Variants in ZNF821 observed in about 807,000 individuals in gnomAD.
The protein encoded by ZNF821 is zinc finger protein 821.
ZNF821 carries 16 observed loss-of-function variants against 44.3 expected under a neutral mutation model. That is an observed-to-expected ratio of 0.36 (90% CI 0.24 to 0.55). ZNF821 has a LOEUF of 0.55. ZNF821 is among the 20% of genes least tolerant of loss of function. The pLI, the probability that ZNF821 is intolerant of heterozygous loss-of-function variation, is 0.86. For synonymous variants in ZNF821, 204 were observed against 197.6 expected (o/e 1.03, Z -0.27); for missense variants, 436 against 547.6 (o/e 0.80, Z 2.03).
chr16:71,864,102 C>G (rs1352320238), intron 6 of ZNF821, 36 bp downstream of exon 6: 1 of 1,578,910 alleles, frequency 6.3e-7, no homozygotes, highest in Non-Finnish European at 8.7e-7. Flanking sequence ...GCTGCCCACA[C>G]TTGTGTTCCA....
Position 71,865,028 on chromosome 16 carries a change from C to G in ZNF821, c.187G>C (p.Glu63Gln), listed in dbSNP as rs1441830221. 1.9e-6 allele frequency: 3 copies of G among 1,614,106 alleles called. No homozygotes were observed. The highest frequency in any genetic ancestry group is 2.5e-6 in the Non-Finnish European group (3 of 1,180,044). ...SSSSDSEGDEEETTQDEVSSH... is the reference protein window; with the variant it reads ...SSSSDSEGDEQETTQDEVSSH... ...GAGACTTCATCTTGTGTCGTCTCCT[C>G]TTCATCACCCTCACTGTCACCTGGA... The change falls in exon 5 of 8, where the codon GAG becomes CAG. Residue 63 changes from glutamate to glutamine, a missense_variant. Coordinates refer to ENST00000425432, the MANE Select transcript of ZNF821 (RefSeq NM_001201552.2).
Position 71,860,757 on chromosome 16 carries a change from G to T in ZNF821, c.585-85C>A. On this transcript the variant is annotated intron_variant, in intron 7 of 7. Coordinates refer to ENST00000425432, the MANE Select transcript of ZNF821 (RefSeq NM_001201552.2). The surrounding 1 kb of genome is among the most constrained non-coding windows in gnomAD (Gnocchi z 7.3). Reference sequence around the variant, plus strand: ...CCCTGCCTTATTCTTTTCCTATGAGGCCAGTGGCTCCACGCTCACCACAAG... The same window carrying T: ...CCCTGCCTTATTCTTTTCCTATGAGTCCAGTGGCTCCACGCTCACCACAAG... 1 of 1,406,840 alleles carries T rather than the reference G, an allele frequency of 7.1e-7. No homozygotes were observed. Among genetic ancestry groups the T allele is most frequent in the Non-Finnish European group, 9.6e-7 (1 of 1,045,064 alleles). The allele number at this position is 1,406,840 out of a possible 1,614,324, so 87.1% of individuals were successfully genotyped here. A position where few individuals can be genotyped will look rare whatever the true frequency, so the allele number is the denominator to read the frequency against.
At chr16:71,877,997 C>A (rs2036016030) in intron 3 of ZNF821, among the ~76,000 whole-genome samples, 1 of 147,034 alleles carries the variant, frequency 6.8e-6, no homozygotes, top group African/African-American at 2.5e-5. Context: ...TATATATATA[C>A]ACACATATAT....
In ZNF821 at chr16:71,860,646, A is replaced by G. The variant is rs1306711910; in HGVS notation, c.611T>C (p.Met204Thr). The G allele has an allele frequency of 6.2e-7, 1 of 1,613,634 alleles. No homozygotes were observed. Residue 204 changes from methionine (M) to threonine (T), a missense_variant, in exon 8 of 8, where the codon ATG (methionine) becomes ACG (threonine). Physicochemically the swap from Met to Thr is moderately conservative, Grantham distance 81. Around this residue, in one of 5 missense-constraint regions of ZNF821, gnomAD observed 238 missense variants for 281.4 expected, o/e 0.85. Transcript: ENST00000425432. This position sits in a 1 kb window ranked among gnomAD's most constrained non-coding sequence, Gnocchi z 7.3. ...ATTGTGGACTGTGGGTAGGGATTCC[A>G]TATTTAGTACTTCAGGAAGTTTCTC... ...NSEKLPEVLN[M>T]ESLPTVHNEG...
In ZNF821 at chr16:71,860,826, C is replaced by T; in HGVS notation, c.585-154G>A. On this transcript the variant is annotated intron_variant, in intron 7 of 7. Transcript: ENST00000425432. This position sits in a 1 kb window ranked among gnomAD's most constrained non-coding sequence, Gnocchi z 7.3. The stretch of plus-strand genomic sequence containing the variant: ...GGTGGACCTCTTCTGCTGCTCCATC[C>T]CTTCTCTTCGCGTGAGAGTTGTCTA... The T allele has an allele frequency of 1.4e-6, 1 of 715,424 alleles. No individual in the cohort carries two copies. Among genetic ancestry groups the T allele is most frequent in the Non-Finnish European group, 2.2e-6 (1 of 446,416 alleles). The allele number at this position is 715,424 out of a possible 1,614,324, so 44.3% of individuals were successfully genotyped here.
chr16:71,868,541 C>A (rs74029709), intron 3 of ZNF821, among the ~76,000 whole-genome samples: 120 of 152,320 alleles, frequency 7.9e-4, no homozygotes, highest in African/African-American at 2.6e-3. Context: ...ATCTTTCATC[C>A]ACTCTTCTTC....
chr16:71,879,936 C>T lies in ZNF821; in HGVS notation c.11G>A (p.Arg4Gln). 3 of 1,613,460 alleles carry T rather than the reference C, an allele frequency of 1.9e-6. No homozygotes were observed. Among genetic ancestry groups the T allele is most frequent in the Non-Finnish European group, 2.5e-6 (3 of 1,179,728 alleles). MSRRKQTNPNKVHW... is the reference protein window; with the variant it reads MSRQKQTNPNKVHW... ...AACTTTATTTGGATTTGTCTGTTTC[C>T]GACGGGACATGTTTCCCTGATGCAA... Residue 4 changes from arginine (R) to glutamine (Q), a missense_variant, in exon 3 of 8, where the codon CGG becomes CAG. Physicochemically the swap from Arg to Gln is conservative, Grantham distance 43. Transcript: ENST00000425432.
At position 71,859,889 on chromosome 16, in the gene ZNF821, A is replaced by C. The variant is rs896439294; in HGVS notation, c.*129T>G. ...GCAAGGGCTGCTCAGGTCCACCTGC[A>C]ATAAACCCAGGCCTGCCTCTGGCAG... On this transcript the variant is annotated 3_prime_UTR_variant, in exon 8 of 8. Transcript: ENST00000425432. 1.8e-6 allele frequency: 2 copies of C among 1,106,054 alleles called. No individual in the cohort carries two copies. The highest frequency in any genetic ancestry group is 2.5e-6 in the Non-Finnish European group (2 of 797,826). 68.5% of individuals were successfully genotyped at this position (1,106,054 alleles called of 1,614,324 possible). A position where few individuals can be genotyped will look rare whatever the true frequency, so the allele number is the denominator to read the frequency against.
chr16:71,866,204 A>T (rs1255045218), intron 4 of ZNF821, among the ~76,000 whole-genome samples: 1 of 152,142 alleles, frequency 6.6e-6, no homozygotes, highest in Non-Finnish European at 1.5e-5. Context: ...CCTAGCTAAC[A>T]GTGTGCCTGT....
chr16:71,875,271 C>T (rs1268032677), intron 3 of ZNF821, among the ~76,000 whole-genome samples: 2 of 151,964 alleles, frequency 1.3e-5, no homozygotes, highest in African/African-American at 2.4e-5. Context: ...CCTGTTTTTC[C>T]ATCTGTTTTT....
At chr16:71,890,388 A>G (rs1220056484) in intron 1 of ZNF821, among the ~76,000 whole-genome samples, 1 of 95,036 alleles carries the variant, frequency 1.1e-5, no homozygotes, top group African/African-American at 3.3e-5. Context: ...GAAGTCAGCA[A>G]ACTTTTTTTT....
At chr16:71,880,595 C>A (rs2036321630) in intron 2 of ZNF821, 3 of 152,200 alleles carry the variant, frequency 2.0e-5, no homozygotes, top group African/African-American at 7.2e-5. Flanking sequence ...TCTGGTGATA[C>A]AGGCGCAATG....
Position 71,859,841 on chromosome 16 carries a change from ACCCCATCAT to A in ZNF821, c.*168_*176del. ...GCTGCCTTGAGCCAGGTCCCTCCTG[ACCCCATCAT>A]CCTGTTCCCATATGCAAGGGCTGCT... On this transcript the variant is annotated 3_prime_UTR_variant, in exon 8 of 8. Coordinates refer to ENST00000425432, the MANE Select transcript of ZNF821 (RefSeq NM_001201552.2). 1 of 717,594 alleles carries A rather than the reference ACCCCATCAT, an allele frequency of 1.4e-6. No homozygotes were observed. Among genetic ancestry groups the A allele is most frequent in the East Asian group, 2.7e-5 (1 of 36,638 alleles). The allele number at this position is 717,594 out of a possible 1,614,324, so 44.5% of individuals were successfully genotyped here. A position where few individuals can be genotyped will look rare whatever the true frequency, so the allele number is the denominator to read the frequency against.
upstream of ZNF821, chr16:71,884,344 C>G (rs1313514283): frequency 1.3e-5 from 2 of 152,146 alleles, no homozygotes; most frequent in African/African-American, 4.8e-5. Flanking sequence ...TCCCGGGCGC[C>G]CGAGAGGGGC....
chr16:71,892,907 T>C (rs959165658), intron 1 of ZNF821, among the ~76,000 whole-genome samples: 1 of 151,146 alleles, frequency 6.6e-6, no homozygotes, highest in African/African-American at 2.4e-5. Flanking sequence ...TTTTTTATAT[T>C]TTTAGTAGAC....
chr16:71,864,610 G>A, intron 5 of ZNF821: 1 of 450,548 alleles, frequency 2.2e-6, no homozygotes, highest in South Asian at 3.1e-5. Context: ...AGTCCACCTT[G>A]GGAAGTCAGC....
At chr16:71,887,190 T>A (rs1293470810), upstream of ZNF821, among the ~76,000 whole-genome samples, 2 of 152,168 alleles carry the variant, frequency 1.3e-5, no homozygotes, top group African/African-American at 4.8e-5. Context: ...TTACATTATG[T>A]ATGGACATGG....
At chr16:71,886,215 C>T (rs1286423505), upstream of ZNF821, among the ~76,000 whole-genome samples, 1 of 152,048 alleles carries the variant, frequency 6.6e-6, no homozygotes, top group African/African-American at 2.4e-5. Flanking sequence ...AGGTTACAAC[C>T]AAATAATGAA....
upstream of ZNF821, among the ~76,000 whole-genome samples, chr16:71,886,934 G>A (rs560766563): frequency 2.2e-4 from 33 of 152,288 alleles, no homozygotes; most frequent in South Asian, 6.4e-3. Flanking sequence ...GGGACCTCTC[G>A]TGTCTGGCTT....
Sources: gnomAD v4.1 joint callset for allele counts (sites outside exome capture counted in the v4.1 genomes callset) on GRCh38, gnomAD v4.1.1 for gene constraint, gnomAD v4.1.1 regional missense constraint, Gnocchi (gnomAD v3.1) non-coding constraint, MANE v1.5 for transcripts, NCBI Gene and HGNC (gene_info 2026-07-23, HGNC 2026-07-21) for gene names.